TAB3: variants seen among roughly 807,000 people sequenced by gnomAD.
The protein encoded by TAB3 is TGF-beta-activated kinase 1 and MAP3K7-binding protein 3.
In TAB3, 18 loss-of-function variants were observed where a neutral mutation model predicts 48.1. That is an observed-to-expected ratio of 0.37 (90% CI 0.26 to 0.55). The LOEUF (loss-of-function observed/expected upper bound fraction) is 0.55. Ranked by LOEUF, TAB3 falls within the 20% of genes least tolerant of loss-of-function variation. The pLI, the probability that TAB3 is intolerant of heterozygous loss-of-function variation, is 0.78. For synonymous variants in TAB3, 185 were observed against 190.2 expected (o/e 0.97, Z 0.22); for missense variants, 414 against 549.8 (o/e 0.75, Z 2.47).
chrX:30,859,393 AG>A, intron 5 of TAB3, 93 bp downstream of exon 5: 2 of 425,240 alleles, frequency 4.7e-6, no homozygotes, highest in South Asian at 3.3e-5. Flanking sequence ...CACACACACA[AG>A]AAAACATACC....
intron 1 of TAB3, among the ~76,000 whole-genome samples, chrX:30,884,549 C>G (rs1434882535): frequency 9.3e-6 from 1 of 107,929 alleles, no homozygotes; most frequent in East Asian, 2.9e-4. Context: ...AAAATGAACA[C>G]AGCGTGCTTA....
rs745584689 is a variant in TAB3, at chrX:30,827,490, G to A, written c.*3937C>T. ...ATTTTGCAGGAATCTTTGACTTTCC[G>A]AATATGTACTGTTTGGAGGTACGAT... On this transcript the variant is annotated 3_prime_UTR_variant, in exon 11 of 11. Coordinates refer to ENST00000288422, the MANE Select transcript of TAB3 (RefSeq NM_152787.5). 3.1e-3 allele frequency: 354 copies of A among 112,576 alleles called. No homozygotes were observed. Among genetic ancestry groups the A allele is most frequent in the Non-Finnish European group, 4.5e-3 (241 of 53,247 alleles). 9.3% of individuals were successfully genotyped at this position (112,576 alleles called of 1,213,427 possible). A position where few individuals can be genotyped will look rare whatever the true frequency, so the allele number is the denominator to read the frequency against.
At chrX:30,843,140 TAAG>T (rs1938509755) in intron 8 of TAB3, 91 bp from the exon 9 acceptor site, 9 of 490,536 alleles carry the variant, frequency 1.8e-5, no homozygotes, top group East Asian at 3.9e-5. Context: ...ATAAAACACA[TAAG>T]AAGGGAAAAA....
chrX:30,886,920 C>G (rs1940147342), intron 1 of TAB3, among the ~76,000 whole-genome samples: 1 of 112,122 alleles, frequency 8.9e-6, no homozygotes, highest in African/African-American at 3.2e-5. Flanking sequence ...CAGATACTGC[C>G]TGGGAACCTG....
rs2306530 is a variant in TAB3 at position 30,830,511 on chromosome X, T to A, written c.*916A>T. Reference sequence around the variant, plus strand: ...TAAGAACCACAGCTGAGCTCAAGATTTCCAAATGGATTTTGGAATGGACTT... The same window carrying A: ...TAAGAACCACAGCTGAGCTCAAGATATCCAAATGGATTTTGGAATGGACTT... On this transcript the variant is annotated 3_prime_UTR_variant, in exon 11 of 11. Coordinates refer to ENST00000288422, the MANE Select transcript of TAB3 (RefSeq NM_152787.5). The A allele has an allele frequency of 6.3e-3, 710 of 112,491 alleles. 29 individuals are homozygous for A. The East Asian group carries it at 0.15, about 24-fold the overall frequency. 9.3% of individuals were successfully genotyped at this position (112,491 alleles called of 1,213,427 possible). A position where few individuals can be genotyped will look rare whatever the true frequency, so the allele number is the denominator to read the frequency against.
In TAB3 at chrX:30,830,914, C is replaced by CG. The variant is rs1938006695; in HGVS notation, c.*512_*513insC. The CG allele has an allele frequency of 1.6e-5, 1 of 62,428 alleles. No homozygotes were observed. The highest frequency in any genetic ancestry group is 5.5e-5 in the African/African-American group (1 of 18,182). 5.1% of individuals were successfully genotyped at this position (62,428 alleles called of 1,213,427 possible). ...TTACAAATACCCTTAATTAATTTGC[C>CG]CCCCCCCCCCAAATATTCTAGGTGC... is the stretch of plus-strand genomic sequence containing the variant. On this transcript the variant is annotated 3_prime_UTR_variant, in exon 11 of 11. Transcript: ENST00000288422.
At chrX:30,848,893 G>A (rs911781642) in intron 7 of TAB3, among the ~76,000 whole-genome samples, 2 of 108,955 alleles carry the variant, frequency 1.8e-5, no homozygotes, top group African/African-American at 6.7e-5. Context: ...TCAAAGCTGT[G>A]GGATAGTCCA....
At chrX:30,841,954 G>A (rs978531171) in intron 9 of TAB3, among the ~76,000 whole-genome samples, 7 of 111,948 alleles carry the variant, frequency 6.3e-5, no homozygotes, top group Admixed American at 1.9e-4. Context: ...GATTACAGGC[G>A]CGCGCCATCA....
chrX:30,852,648 TAAAA>T (rs1160587942), intron 7 of TAB3, 126 bp downstream of exon 7: 1 of 722,952 alleles, frequency 1.4e-6, no homozygotes, highest in Non-Finnish European at 1.9e-6. Context: ...CTGTTGTTTT[TAAAA>T]AAAGCAACAA....
At chrX:30,837,671 G>A (rs1938282357) in intron 9 of TAB3, among the ~76,000 whole-genome samples, 1 of 112,298 alleles carries the variant, frequency 8.9e-6, no homozygotes, top group African/African-American at 3.2e-5. Context: ...GTCACTTGAT[G>A]AGCAGAAGTG....
chrX:30,874,701 G>A (rs1939773596), intron 1 of TAB3, among the ~76,000 whole-genome samples: 1 of 111,834 alleles, frequency 8.9e-6, no homozygotes, highest in Non-Finnish European at 1.9e-5. Context: ...AGAAGTATAG[G>A]AGCATTGACT....
At chrX:30,832,973 CTTT>C (rs771088514) in intron 10 of TAB3, among the ~76,000 whole-genome samples, 12 of 97,885 alleles carry the variant, frequency 1.2e-4, no homozygotes, top group Non-Finnish European at 1.9e-4. Context: ...TTCTTTCTTT[CTTT>C]TTTTTTTTTT....
chrX:30,850,101 T>C (rs752118373), intron 7 of TAB3, among the ~76,000 whole-genome samples: 3 of 111,491 alleles, frequency 2.7e-5, no homozygotes, highest in East Asian at 5.7e-4. Context: ...GAGTGACAAA[T>C]AGAAGTAGGA....
chrX:30,861,873 A>G (rs1939261833), intron 4 of TAB3, among the ~76,000 whole-genome samples: 2 of 112,607 alleles, frequency 1.8e-5, no homozygotes, highest in African/African-American at 6.4e-5. Flanking sequence ...GTTATTTTAT[A>G]TATATTTTTC....
At chrX:30,886,089 T>C (rs964989510) in intron 1 of TAB3, among the ~76,000 whole-genome samples, 14 of 112,278 alleles carry the variant, frequency 1.2e-4, no homozygotes, top group African/African-American at 4.2e-4. Flanking sequence ...TAATAAATGT[T>C]CTTATTTAGG....
chrX:30,852,022 T>C (rs186499347), intron 7 of TAB3, among the ~76,000 whole-genome samples: 6 of 112,541 alleles, frequency 5.3e-5, no homozygotes, highest in African/African-American at 1.6e-4. Context: ...CTGGTAGGTA[T>C]GTACTAAGCA....
At chrX:30,833,845 A>C (rs1938107205) in intron 10 of TAB3, among the ~76,000 whole-genome samples, 1 of 111,487 alleles carries the variant, frequency 9.0e-6, no homozygotes, top group African/African-American at 3.3e-5. Flanking sequence ...AAAAAAAAAA[A>C]AAAAAAAATT....
rs1855779503 is a variant in TAB3, at chrX:30,831,117, C to CT, written c.*309dup. ...AAAAATAAGGGCCACTCAGCAGTAA[C>CT]TTTAACAATTGGGATTCCACCACAG... is the stretch of plus-strand genomic sequence containing the variant. On this transcript the variant is annotated 3_prime_UTR_variant, in exon 11 of 11. Transcript: ENST00000288422. 9.5e-6 allele frequency: 2 copies of CT among 209,766 alleles called. No individual in the cohort carries two copies. Among genetic ancestry groups the CT allele is most frequent in the South Asian group, 2.7e-4 (1 of 3,746 alleles). 17.3% of individuals were successfully genotyped at this position (209,766 alleles called of 1,213,427 possible).
At position 30,837,345 on chromosome X, in the gene TAB3, G is replaced by C. The variant is rs754935832; in HGVS notation, c.1889-3193C>G. Among the ~76,000 whole-genome samples, 5 of 111,068 alleles carry C rather than the reference G, an allele frequency of 4.5e-5. No homozygotes were observed. The South Asian group carries it at 1.9e-3, about 43-fold the overall frequency. On this transcript the variant is annotated intron_variant, in intron 9 of 10. Coordinates refer to ENST00000288422, the MANE Select transcript of TAB3 (RefSeq NM_152787.5). Reference sequence around the variant, plus strand: ...TGAGATTATAAGCATGAGCCACAAGGCTGGCCTCAGAATGACATATTAACA... The same window carrying C: ...TGAGATTATAAGCATGAGCCACAAGCCTGGCCTCAGAATGACATATTAACA...
Sources: allele counts gnomAD v4.1 joint callset (sites outside exome capture counted in the v4.1 genomes callset), GRCh38; gene constraint gnomAD v4.1.1; transcripts MANE v1.5; gene names NCBI Gene and HGNC (gene_info 2026-07-23, HGNC 2026-07-21).